Variants in FRMD3 observed in about 807,000 individuals in gnomAD.
FRMD3 encodes the protein FERM domain containing 3.
FRMD3 carries 33 observed loss-of-function variants against 70.2 expected under a neutral mutation model. The ratio of observed to expected loss-of-function variants is 0.47; its 90% CI spans 0.36 to 0.63. The LOEUF (loss-of-function observed/expected upper bound fraction) is 0.63, where lower values mean the gene tolerates loss of function less well. Ranked by LOEUF, FRMD3 falls within the 20% of genes least tolerant of loss-of-function variation. FRMD3 has a pLI of 0.00. For synonymous variants in FRMD3, 279 were observed against 255.9 expected (o/e 1.09, Z -0.86); for missense variants, 632 against 711.4 (o/e 0.89, Z 1.27).
intron 1 of FRMD3, among the ~76,000 whole-genome samples, chr9:83,438,023 G>C (rs748699100): frequency 6.6e-6 from 1 of 152,024 alleles, no homozygotes; most frequent in African/African-American, 2.4e-5. Flanking sequence ...CCCACACACC[G>C]GCTGTTTTGG....
chr9:83,283,554 A>T (rs1391671140), intron 13 of FRMD3, among the ~76,000 whole-genome samples: 1 of 90,666 alleles, frequency 1.1e-5, no homozygotes, highest in Non-Finnish European at 2.4e-5. Context: ...AAAAATAATA[A>T]TAATAATAAT....
At chr9:83,564,258 C>A in the FRMD3 span, among the ~76,000 whole-genome samples, 64 of 152,256 alleles carry the variant, frequency 4.2e-4, no homozygotes, top group South Asian at 2.7e-3. Flanking sequence ...ATCCCCACTG[C>A]TGTATACACC....
chr9:83,529,938 C>T (rs1419964430), intron 1 of FRMD3, among the ~76,000 whole-genome samples: 1 of 152,152 alleles, frequency 6.6e-6, no homozygotes, highest in Non-Finnish European at 1.5e-5. Flanking sequence ...ACAATGAGAT[C>T]CCACTCCACA....
chr9:83,398,264 T>C (rs772125031), intron 1 of FRMD3, among the ~76,000 whole-genome samples: 1 of 152,226 alleles, frequency 6.6e-6, no homozygotes, highest in Non-Finnish European at 1.5e-5. Flanking sequence ...TAACTGGTAC[T>C]ATTACAAACA....
intron 13 of FRMD3, 112 bp downstream of exon 13, chr9:83,290,491 A>G: frequency 1.6e-6 from 2 of 1,217,248 alleles, no homozygotes; most frequent in South Asian, 2.5e-5. Context: ...TTTATGGCCC[A>G]CTCCACCCCA....
the FRMD3 span, among the ~76,000 whole-genome samples, chr9:83,547,846 T>A: frequency 6.6e-6 from 1 of 152,184 alleles, no homozygotes; most frequent in Non-Finnish European, 1.5e-5. Context: ...TTCTCAGTCT[T>A]TTGGCTAAGA....
intron 1 of FRMD3, among the ~76,000 whole-genome samples, chr9:83,403,724 T>C (rs760150242): frequency 1.8e-4 from 28 of 152,286 alleles, no homozygotes; most frequent in Middle Eastern, 3.4e-3. Context: ...TAACTATAAA[T>C]GAGGGCCTGT....
chr9:83,357,246 C>CATGGAAT (rs1564032598), intron 3 of FRMD3, among the ~76,000 whole-genome samples: 2 of 6,314 alleles, frequency 3.2e-4, no homozygotes, highest in Admixed American at 2.1e-3. Flanking sequence ...ATAATACATA[C>CATGGAAT]ATATATATAT....
Position 83,246,019 on chromosome 9 carries a change from T to G in FRMD3, c.*1899A>C. On this transcript the variant is annotated 3_prime_UTR_variant, in exon 14 of 14. Coordinates refer to ENST00000304195, the MANE Select transcript of FRMD3 (RefSeq NM_174938.6). Reference sequence around the variant, plus strand: ...AGGAAAGGAAACCCCTCAAACTTAATGGCAAATATATAGTCATTTGCTCGA... The same window carrying G: ...AGGAAAGGAAACCCCTCAAACTTAAGGGCAAATATATAGTCATTTGCTCGA... The G allele has an allele frequency of 1.0e-6, 1 of 985,334 alleles. No homozygotes were observed. Among genetic ancestry groups the G allele is most frequent in the Non-Finnish European group, 1.2e-6 (1 of 829,864 alleles). 61.0% of individuals were successfully genotyped at this position (985,334 alleles called of 1,614,324 possible). A position where few individuals can be genotyped will look rare whatever the true frequency, so the allele number is the denominator to read the frequency against.
the FRMD3 span, among the ~76,000 whole-genome samples, chr9:83,585,203 G>A: frequency 7.9e-5 from 12 of 152,022 alleles, no homozygotes; most frequent in African/African-American, 2.4e-4. Flanking sequence ...GGATGCCACC[G>A]CCAGAGCTCA....
intron 2 of FRMD3, among the ~76,000 whole-genome samples, chr9:83,374,809 A>C (rs1825091505): frequency 1.3e-5 from 2 of 152,184 alleles, no homozygotes; most frequent in African/African-American, 4.8e-5. Context: ...TGCTTCATGG[A>C]GAAGAAGAAT....
At chr9:83,490,640 C>T (rs11140119) in intron 1 of FRMD3, among the ~76,000 whole-genome samples, 23,509 of 151,934 alleles carry the variant, frequency 0.15, 2,103 homozygotes, top group East Asian at 0.33. Context: ...AAAAAAGATT[C>T]GTAGGAAACT....
intron 1 of FRMD3, among the ~76,000 whole-genome samples, chr9:83,438,115 A>G (rs1464060802): frequency 5.3e-5 from 8 of 152,206 alleles, no homozygotes; most frequent in Admixed American, 6.5e-5. Flanking sequence ...AAGCATACCA[A>G]GAAAGGATCT....
chr9:83,534,417 G>A (rs2131561719), intron 1 of FRMD3, among the ~76,000 whole-genome samples: 1 of 152,314 alleles, frequency 6.6e-6, no homozygotes, highest in Middle Eastern at 3.4e-3. Flanking sequence ...ATTTGGAAAA[G>A]GATTATTTAA....
chr9:83,501,502 G>A (rs189933548), intron 1 of FRMD3, among the ~76,000 whole-genome samples: 20 of 152,276 alleles, frequency 1.3e-4, no homozygotes, highest in Admixed American at 9.2e-4. Flanking sequence ...TCAGGCTATA[G>A]AGCTGAGCTA....
At chr9:83,552,715 T>C in the FRMD3 span, among the ~76,000 whole-genome samples, 2 of 152,234 alleles carry the variant, frequency 1.3e-5, no homozygotes, top group Non-Finnish European at 2.9e-5. Context: ...ATTGAACCTT[T>C]TGCCATTATG....
At chr9:83,306,356 G>C (rs1254913536) in intron 10 of FRMD3, among the ~76,000 whole-genome samples, 2 of 152,130 alleles carry the variant, frequency 1.3e-5, no homozygotes, top group South Asian at 2.1e-4. Context: ...TTTCACACTG[G>C]TCAAGCCATC....
At chr9:83,511,291 T>C (rs1245163110) in intron 1 of FRMD3, among the ~76,000 whole-genome samples, 1 of 152,122 alleles carries the variant, frequency 6.6e-6, no homozygotes, top group African/African-American at 2.4e-5. Flanking sequence ...TCTGTTGATT[T>C]CCCCAGTAGC....
At chr9:83,448,655 C>T (rs552897688) in intron 1 of FRMD3, among the ~76,000 whole-genome samples, 2 of 152,290 alleles carry the variant, frequency 1.3e-5, no homozygotes, top group African/African-American at 4.8e-5. Flanking sequence ...CTCCATTCCC[C>T]TCCCTAAGAC....
Sources: gnomAD v4.1 joint callset for allele counts (sites outside exome capture counted in the v4.1 genomes callset) on GRCh38, gnomAD v4.1.1 for gene constraint, MANE v1.5 for transcripts, NCBI Gene and HGNC (gene_info 2026-07-23, HGNC 2026-07-21) for gene names.